The following AFF1 variants were observed in gnomAD, a reference collection of about 807,000 sequenced individuals.
AFF1 encodes the protein ALF transcription elongation factor 1, also known as AF4/FMR2 family member 1.
Under a neutral mutation model 121.7 loss-of-function variants are expected in AFF1, and 48 were observed. That is an observed-to-expected ratio of 0.39 (90% CI 0.31 to 0.50). The LOEUF is 0.50. Among genes scored for constraint, AFF1 ranks in the 20% least tolerant of loss-of-function variants. The probability of loss-of-function intolerance (pLI) is 0.76; values close to 1 mark genes in which losing one functional copy is unlikely to be tolerated. For synonymous variants in AFF1, 613 were observed against 563.0 expected (o/e 1.09, Z -1.26); for missense variants, 1,523 against 1,511.7 (o/e 1.01, Z -0.12).
intron 4 of AFF1, among the ~76,000 whole-genome samples, chr4:87,070,991 G>A (rs773905779): frequency 2.6e-5 from 4 of 152,098 alleles, no homozygotes; most frequent in East Asian, 1.9e-4. Context: ...AGAAACTGGC[G>A]AAAAAGCAGT....
intron 15 of AFF1, 75 bp from the exon 16 acceptor site, chr4:87,127,568 C>T: frequency 7.1e-7 from 1 of 1,407,668 alleles, no homozygotes; most frequent in Non-Finnish European, 1.0e-6. Flanking sequence ...TCCTTTTTCA[C>T]TCTTGGTCTT....
At chr4:86,996,155 C>CT (rs1725171511) in intron 2 of AFF1, among the ~76,000 whole-genome samples, 1 of 151,828 alleles carries the variant, frequency 6.6e-6, no homozygotes, top group Non-Finnish European at 1.5e-5. Flanking sequence ...TGAGGGGCAC[C>CT]TCTGCCCGGC....
chr4:87,007,457 C>T (rs751065398), intron 2 of AFF1: 6 of 1,613,644 alleles, frequency 3.7e-6, no homozygotes, highest in Admixed American at 1.7e-5. Flanking sequence ...TTTTCAAACG[C>T]GTTCGTGGCG....
At chr4:87,078,857 G>A (rs1354481871) in intron 4 of AFF1, among the ~76,000 whole-genome samples, 1 of 152,108 alleles carries the variant, frequency 6.6e-6, no homozygotes, top group Non-Finnish European at 1.5e-5. Flanking sequence ...TGCTGTTAAA[G>A]AATGCCTTGA....
At chr4:87,047,853 CAT>C (rs1246014760) in intron 4 of AFF1, 1 of 554,544 alleles carries the variant, frequency 1.8e-6, no homozygotes, top group Admixed American at 2.9e-5. Context: ...TACAGTAAAA[CAT>C]AGAGATCATA....
chr4:86,939,848 G>A (rs1243894542), intron 1 of AFF1, among the ~76,000 whole-genome samples: 1 of 152,190 alleles, frequency 6.6e-6, no homozygotes, highest in East Asian at 1.9e-4. Flanking sequence ...CCAAGAATTT[G>A]CATGTGTAAC....
chr4:87,108,591 C>T (rs1726164325), intron 11 of AFF1, among the ~76,000 whole-genome samples: 1 of 152,190 alleles, frequency 6.6e-6, no homozygotes, highest in African/African-American at 2.4e-5. Flanking sequence ...TGAAGATCAA[C>T]TCATTAAGAC....
chr4:87,139,677 T>C lies in AFF1; in HGVS notation c.*3976T>C. On this transcript the variant is annotated 3_prime_UTR_variant, in exon 21 of 21. Transcript: ENST00000395146. ...TTTTGTTTTGGGTCCCACTTAGGATTAATGGATGTAAGGTATTTTCCTGTG... is the reference window on the plus strand; with the variant it reads ...TTTTGTTTTGGGTCCCACTTAGGATCAATGGATGTAAGGTATTTTCCTGTG... 1 of 229,570 alleles carries C rather than the reference T, an allele frequency of 4.4e-6. No homozygotes were observed. The highest frequency in any genetic ancestry group is 8.6e-6 in the Non-Finnish European group (1 of 115,668). 14.2% of individuals were successfully genotyped at this position (229,570 alleles called of 1,614,324 possible). A position where few individuals can be genotyped will look rare whatever the true frequency, so the allele number is the denominator to read the frequency against.
chr4:87,132,087 T>C (rs552249594), intron 18 of AFF1, among the ~76,000 whole-genome samples, 184 bp from the exon 19 acceptor site: 3 of 152,376 alleles, frequency 2.0e-5, no homozygotes, highest in South Asian at 2.1e-4. Context: ...ATATAAATTA[T>C]ATCCTTGTGT....
At chr4:87,092,207 T>C (rs1724384902) in intron 7 of AFF1, among the ~76,000 whole-genome samples, 1 of 152,044 alleles carries the variant, frequency 6.6e-6, no homozygotes, top group Non-Finnish European at 1.5e-5. Context: ...CACTTGAGCC[T>C]AGGAAGTAGA....
chr4:87,064,333 C>T (rs548935867), intron 4 of AFF1, among the ~76,000 whole-genome samples: 19 of 152,192 alleles, frequency 1.2e-4, no homozygotes, highest in Non-Finnish European at 2.5e-4. Context: ...AGATAGGCAA[C>T]ATTTGTATTG....
At chr4:87,134,806 GTT>G in intron 20 of AFF1, 112 bp downstream of exon 20, 1 of 946,378 alleles carries the variant, frequency 1.1e-6, no homozygotes, top group Middle Eastern at 2.9e-4. Context: ...ATGTGTAGCT[GTT>G]TTACTTTAAT....
At position 86,976,939 on chromosome 4, in the gene AFF1, C is replaced by T. The variant is rs551590883; in HGVS notation, c.38+28368C>T. Among the ~76,000 whole-genome samples, 390 of 152,272 alleles carry T rather than the reference C, an allele frequency of 2.6e-3. 1 individual carries two copies. The highest frequency in any genetic ancestry group is 0.01 in the Middle Eastern group (3 of 294). On this transcript the variant is annotated intron_variant, in intron 2 of 20. Coordinates refer to ENST00000395146, the MANE Select transcript of AFF1 (RefSeq NM_001166693.3). Reference sequence around the variant, plus strand: ...TCAGGTTATTGTAGTGATTAAGTAACTTAATACTTAGGAAATTCTTGGAAC... The same window carrying T: ...TCAGGTTATTGTAGTGATTAAGTAATTTAATACTTAGGAAATTCTTGGAAC...
intron 8 of AFF1, among the ~76,000 whole-genome samples, chr4:87,105,115 T>C (rs1021068413): frequency 6.6e-5 from 10 of 152,270 alleles, no homozygotes; most frequent in African/African-American, 2.4e-4. Context: ...GTTGAACTTT[T>C]TATGTGCCTG....
intron 14 of AFF1, 55 bp from the exon 15 acceptor site, chr4:87,126,971 G>T (rs1456270202): frequency 1.4e-6 from 2 of 1,468,644 alleles, no homozygotes; most frequent in Non-Finnish European, 1.9e-6. Flanking sequence ...GGTACTTTTA[G>T]GACAGTGGTC....
intron 2 of AFF1, chr4:86,949,736 T>C (rs1578830465): frequency 6.2e-7 from 1 of 1,604,472 alleles, no homozygotes; most frequent in East Asian, 2.2e-5. Context: ...GTAGCTGCGG[T>C]GCTTGCCCTT....
At chr4:86,935,795 T>A (rs1255596751) in intron 1 of AFF1, 1 of 140,386 alleles carries the variant, frequency 7.1e-6, no homozygotes, top group Admixed American at 7.0e-5. Flanking sequence ...TGGAGCCACC[T>A]TCTGAGACTT....
chr4:87,061,017 A>T (rs1453868378), intron 4 of AFF1, among the ~76,000 whole-genome samples: 1 of 152,188 alleles, frequency 6.6e-6, no homozygotes, highest in African/African-American at 2.4e-5. Flanking sequence ...TTCGCTCAGG[A>T]TTCTAGTGAA....
At chr4:87,078,415 C>T (rs1722875164) in intron 4 of AFF1, among the ~76,000 whole-genome samples, 1 of 152,140 alleles carries the variant, frequency 6.6e-6, no homozygotes. Flanking sequence ...GTGGCTGGCA[C>T]CCTGTGATTC....
Sources: allele counts gnomAD v4.1 joint callset (sites outside exome capture counted in the v4.1 genomes callset), GRCh38; gene constraint gnomAD v4.1.1; transcripts MANE v1.5; gene names NCBI Gene and HGNC (gene_info 2026-07-23, HGNC 2026-07-21).